DPYD: variants seen among roughly 807,000 people sequenced by gnomAD.
DPYD encodes dihydropyrimidine dehydrogenase, also known as dihydropyrimidine dehydrogenase [NADP(+)].
In DPYD, 109 loss-of-function variants were observed where a neutral mutation model predicts 116.2. The ratio of observed to expected loss-of-function variants is 0.94; its 90% CI spans 0.80 to 1.10. The LOEUF (loss-of-function observed/expected upper bound fraction) is 1.10, where lower values mean the gene tolerates loss of function less well. Among genes scored for constraint, DPYD ranks in the 50% least tolerant of loss-of-function variants. The pLI is 0.00. For missense variants in DPYD, 1,302 were observed against 1,254.5 expected, an observed-to-expected ratio of 1.04 and a Z score of -0.57; for synonymous variants, 440 against 432.0, an observed-to-expected ratio of 1.02 and a Z score of -0.23.
rs748974194 is a variant in DPYD, at chr1:97,883,319, G to A, written c.95C>T (p.Ser32Leu). Residue 32 changes from serine to leucine, a missense_variant, in exon 2 of 23, where the codon TCG becomes TTG. Ser to Leu is a moderately radical substitution (Grantham distance 145). Transcript: ENST00000370192. Reference protein sequence around the residue: ...TQTHATLCSTSAKKLDKKHWK... With the variant: ...TQTHATLCSTLAKKLDKKHWK... ...ATGTTTCTTGTCTAATTTCTTGGCC[G>A]AAGTGGAACACAGAGTTGCATGAGT... 2.6e-5 allele frequency: 42 copies of A among 1,612,868 alleles called. No homozygotes were observed. Among genetic ancestry groups the A allele is most frequent in the South Asian group, 1.9e-4 (17 of 91,046 alleles).
At chr1:97,737,722 G>A (rs1313978725) in intron 4 of DPYD, among the ~76,000 whole-genome samples, 3 of 152,010 alleles carry the variant, frequency 2.0e-5, no homozygotes, top group African/African-American at 7.2e-5. Context: ...GTGTTTGTGT[G>A]TGTGTGTACA....
chr1:97,654,735 TA>T (rs1463787406), intron 8 of DPYD, among the ~76,000 whole-genome samples: 2 of 152,082 alleles, frequency 1.3e-5, no homozygotes, highest in African/African-American at 4.8e-5. Context: ...AAATAGTCAA[TA>T]AAAATGACTA....
chr1:97,362,062 CTCAGCCCAAAATCTCT>C (rs1465614967), intron 16 of DPYD, among the ~76,000 whole-genome samples: 1 of 152,226 alleles, frequency 6.6e-6, no homozygotes, highest in African/African-American at 2.4e-5. Flanking sequence ...ACCCCATAGT[CTCAGCCCAAAATCTCT>C]TTAAGCTGAT....
At chr1:97,457,993 G>C (rs1485228756) in intron 13 of DPYD, among the ~76,000 whole-genome samples, 1 of 152,144 alleles carries the variant, frequency 6.6e-6, no homozygotes, top group Non-Finnish European at 1.5e-5. Flanking sequence ...TGGGTTCACT[G>C]TTCAGATAAG....
chr1:97,479,678 C>CCTT (rs1678191701), intron 13 of DPYD, among the ~76,000 whole-genome samples: 1 of 152,118 alleles, frequency 6.6e-6, no homozygotes, highest in Non-Finnish European at 1.5e-5. Context: ...TTGCCACAAA[C>CCTT]CTTCAATTTG....
chr1:97,576,784 T>C (rs1303003296), intron 10 of DPYD, among the ~76,000 whole-genome samples: 1 of 152,206 alleles, frequency 6.6e-6, no homozygotes, highest in East Asian at 1.9e-4. Context: ...GCACTGGGGA[T>C]GGCATGAGCA....
At chr1:97,486,257 T>C (rs1045109488) in intron 13 of DPYD, among the ~76,000 whole-genome samples, 2 of 152,232 alleles carry the variant, frequency 1.3e-5, no homozygotes, top group African/African-American at 4.8e-5. Context: ...GGATAGAATC[T>C]ATTTGAGTAC....
chr1:97,613,659 C>G (rs1269893879), intron 8 of DPYD, among the ~76,000 whole-genome samples: 1 of 151,864 alleles, frequency 6.6e-6, no homozygotes, highest in African/African-American at 2.4e-5. Context: ...AGAGCTAGAG[C>G]ATGAATATAG....
At chr1:97,363,152 A>G (rs1670835865) in intron 16 of DPYD, among the ~76,000 whole-genome samples, 1 of 152,256 alleles carries the variant, frequency 6.6e-6, no homozygotes, top group South Asian at 2.1e-4. Flanking sequence ...GGATATGAAC[A>G]GACATTTCTC....
chr1:97,862,373 A>C (rs1671161905), intron 2 of DPYD, among the ~76,000 whole-genome samples: 1 of 151,916 alleles, frequency 6.6e-6, no homozygotes, highest in Non-Finnish European at 1.5e-5. Flanking sequence ...AACAAGCCAG[A>C]CACAAGCTGA....
intron 3 of DPYD, among the ~76,000 whole-genome samples, chr1:97,812,633 T>C (rs751882867): frequency 3.6e-4 from 55 of 152,200 alleles, no homozygotes; most frequent in Non-Finnish European, 6.3e-4. Flanking sequence ...GAGGTATTCA[T>C]GGTCCTAAAT....
intron 12 of DPYD, among the ~76,000 whole-genome samples, chr1:97,543,588 A>G (rs1650611573): frequency 6.6e-6 from 1 of 152,232 alleles, no homozygotes; most frequent in Non-Finnish European, 1.5e-5. Context: ...AAAATATAAG[A>G]CAAAATGTCA....
intron 16 of DPYD, among the ~76,000 whole-genome samples, chr1:97,318,648 C>G (rs1427620527): frequency 6.6e-6 from 1 of 151,704 alleles, no homozygotes; most frequent in Non-Finnish European, 1.5e-5. Flanking sequence ...TTTAACACCC[C>G]ACTGTCAACA....
chr1:97,322,703 T>C (rs569086685), intron 16 of DPYD: 8 of 152,048 alleles, frequency 5.3e-5, no homozygotes, highest in Non-Finnish European at 1.0e-4. Flanking sequence ...TTTTAATCTT[T>C]CAGGTGTCAA....
At chr1:97,576,900 C>T (rs979755099) in intron 10 of DPYD, among the ~76,000 whole-genome samples, 13 of 152,176 alleles carry the variant, frequency 8.5e-5, no homozygotes, top group Non-Finnish European at 1.8e-4. Context: ...AGACATAAAT[C>T]ACACCACTTC....
chr1:97,720,876 G>A, intron 5 of DPYD: 3 of 1,609,040 alleles, frequency 1.9e-6, no homozygotes, highest in Non-Finnish European at 1.7e-6. Flanking sequence ...AGTGTCTGAA[G>A]AATCAAAGTC....
chr1:97,580,808 A>G (rs1197012091), intron 10 of DPYD, among the ~76,000 whole-genome samples: 1 of 152,094 alleles, frequency 6.6e-6, no homozygotes, highest in Non-Finnish European at 1.5e-5. Context: ...ATCCTGTTAG[A>G]TTGATTTAGC....
chr1:97,271,954 G>A (rs771172245), intron 18 of DPYD, among the ~76,000 whole-genome samples: 10 of 152,084 alleles, frequency 6.6e-5, no homozygotes, highest in Non-Finnish European at 1.3e-4. Context: ...AACTGATACC[G>A]TAAGTAATTG....
rs1269099096 is a variant in DPYD, at chr1:97,883,304, T to C, written c.110A>G (p.Asp37Gly). The C allele has an allele frequency of 5.0e-6, 8 of 1,612,804 alleles. No homozygotes were observed. Among genetic ancestry groups the C allele is most frequent in the Admixed American group, 3.3e-5 (2 of 59,946 alleles). ...TLCSTSAKKL[D>G]KKHWKRNPDK... Reference sequence around the variant, plus strand: ...AGGATTTCTTTTCCAATGTTTCTTGTCTAATTTCTTGGCCGAAGTGGAACA... The same window carrying C: ...AGGATTTCTTTTCCAATGTTTCTTGCCTAATTTCTTGGCCGAAGTGGAACA... The change falls in exon 2 of 23, where the codon GAC (aspartate) becomes GGC (glycine). Residue 37 changes from aspartate (D) to glycine (G), a missense_variant. By Grantham distance (94) the Asp-to-Gly change is moderately conservative. Transcript: ENST00000370192.
Sources: allele counts gnomAD v4.1 joint callset (sites outside exome capture counted in the v4.1 genomes callset), GRCh38; gene constraint gnomAD v4.1.1; transcripts MANE v1.5; gene names NCBI Gene and HGNC (gene_info 2026-07-23, HGNC 2026-07-21).